Variants in PPP2R3A observed in about 807,000 individuals in gnomAD.
PPP2R3A encodes serine/threonine-protein phosphatase 2A regulatory subunit B'' subunit alpha.
In PPP2R3A, 80 loss-of-function variants were observed where a neutral mutation model predicts 106.9. The ratio of observed to expected loss-of-function variants is 0.75; its 90% CI spans 0.62 to 0.90. The LOEUF (loss-of-function observed/expected upper bound fraction) is 0.90, where lower values mean the gene tolerates loss of function less well. PPP2R3A is among the 40% of genes least tolerant of loss of function. PPP2R3A has a pLI of 0.00. For missense variants in PPP2R3A, 1,386 were observed against 1,350.4 expected (o/e 1.03, Z -0.41); for synonymous variants, 483 against 468.3 (o/e 1.03, Z -0.41).
At chr3:136,010,135 T>A (rs528344143) in intron 2 of PPP2R3A, among the ~76,000 whole-genome samples, 6 of 152,222 alleles carry the variant, frequency 3.9e-5, no homozygotes, top group African/African-American at 1.4e-4. Flanking sequence ...ACTAAAGCAA[T>A]CAGAAGAGAC....
intron 1 of PPP2R3A, among the ~76,000 whole-genome samples, chr3:135,986,739 A>T (rs529856701): frequency 2.8e-4 from 43 of 152,174 alleles, no homozygotes; most frequent in African/African-American, 1.0e-3. Context: ...TGAAAGAACT[A>T]CCCTAAGTGC....
chr3:136,061,908 C>T (rs1936087864), intron 5 of PPP2R3A, among the ~76,000 whole-genome samples: 1 of 111,128 alleles, frequency 9.0e-6, no homozygotes, highest in African/African-American at 4.0e-5. Flanking sequence ...GCCTGGGCGA[C>T]AGAGCAAGAC....
intron 13 of PPP2R3A, among the ~76,000 whole-genome samples, chr3:136,123,643 C>G (rs1187894514): frequency 6.6e-6 from 1 of 152,042 alleles, no homozygotes; most frequent in Non-Finnish European, 1.5e-5. Flanking sequence ...AGACATTTTA[C>G]CCAGGAAACA....
chr3:135,971,461 T>C (rs1937244657), intron 1 of PPP2R3A, among the ~76,000 whole-genome samples: 1 of 152,210 alleles, frequency 6.6e-6, no homozygotes. Context: ...AATTTTGTGC[T>C]TCATATTTCT....
At chr3:136,106,591 A>T (rs1366075267) in intron 13 of PPP2R3A, 1 of 426,192 alleles carries the variant, frequency 2.3e-6, no homozygotes, top group Non-Finnish European at 4.2e-6. Flanking sequence ...TTTTAGTGAT[A>T]TTGATAAACC....
chr3:136,102,820 A>G (rs1222134181), intron 11 of PPP2R3A, among the ~76,000 whole-genome samples: 1 of 152,198 alleles, frequency 6.6e-6, no homozygotes, highest in Non-Finnish European at 1.5e-5. Flanking sequence ...GCGAGACTGT[A>G]TCTCTTTTTT....
At chr3:136,064,048 A>C (rs1936176110) in intron 5 of PPP2R3A, among the ~76,000 whole-genome samples, 1 of 151,904 alleles carries the variant, frequency 6.6e-6, no homozygotes, top group South Asian at 2.1e-4. Flanking sequence ...CTGGATTAAG[A>C]AAATGTGGCA....
chr3:136,009,847 C>G (rs888218832), intron 2 of PPP2R3A, among the ~76,000 whole-genome samples: 1 of 152,212 alleles, frequency 6.6e-6, no homozygotes, highest in Non-Finnish European at 1.5e-5. Flanking sequence ...CCTGGAACAG[C>G]TCCAACTCAG....
chr3:135,978,088 C>G (rs1576406275), intron 1 of PPP2R3A, among the ~76,000 whole-genome samples: 1 of 152,208 alleles, frequency 6.6e-6, no homozygotes, highest in East Asian at 1.9e-4. Context: ...TGTTTCTGTA[C>G]TCTTTGCAAC....
At chr3:136,026,737 T>C (rs1934672956) in intron 2 of PPP2R3A, 95 bp from the exon 3 acceptor site, 1 of 1,182,912 alleles carries the variant, frequency 8.5e-7, no homozygotes, top group African/African-American at 1.6e-5. Flanking sequence ...ATCTCTCCTG[T>C]CTCTGATTGT....
intron 5 of PPP2R3A, among the ~76,000 whole-genome samples, chr3:136,060,348 T>G (rs190785131): frequency 6.6e-6 from 1 of 152,322 alleles, no homozygotes; most frequent in African/African-American, 2.4e-5. Context: ...GAATGGTAAT[T>G]ACCAAATAAT....
intron 13 of PPP2R3A, among the ~76,000 whole-genome samples, chr3:136,140,389 G>A (rs376026248): frequency 1.2e-4 from 18 of 149,192 alleles, no homozygotes; most frequent in African/African-American, 4.5e-4. Context: ...CTAGGAGTTT[G>A]AGGCTAAGAT....
At chr3:135,978,289 C>G (rs1170011496) in intron 1 of PPP2R3A, among the ~76,000 whole-genome samples, 1 of 149,268 alleles carries the variant, frequency 6.7e-6, no homozygotes, top group East Asian at 1.9e-4. Flanking sequence ...TCACCAAATA[C>G]AAATAGTAAG....
intron 4 of PPP2R3A, among the ~76,000 whole-genome samples, chr3:136,048,544 C>T (rs960627451): frequency 3.3e-5 from 5 of 152,112 alleles, no homozygotes; most frequent in Admixed American, 1.3e-4. Flanking sequence ...TGGTGGCATG[C>T]GCCTATAGTC....
In PPP2R3A at chr3:136,001,826, A is replaced by G; in HGVS notation, c.328A>G (p.Lys110Glu). ...TACATTTCAGAATACCTACAACTTA[A>G]AGGATATTGCAGGAGAAGCAATCAG... ...GSTFQNTYNL[K>E]DIAGEAISFA... Residue 110 changes from lysine to glutamate, a missense_variant, in exon 2 of 14, where the codon AAG (lysine) becomes GAG (glutamate). By Grantham distance (56) the Lys-to-Glu change is moderately conservative. Transcript: ENST00000264977. 6.2e-7 allele frequency: 1 copy of G among 1,614,186 alleles called. No homozygotes were observed. Among genetic ancestry groups the G allele is most frequent in the Admixed American group, 1.7e-5 (1 of 60,012 alleles).
At chr3:136,047,970 G>T (rs370430236) in intron 4 of PPP2R3A, among the ~76,000 whole-genome samples, 2 of 152,042 alleles carry the variant, frequency 1.3e-5, no homozygotes, top group African/African-American at 4.8e-5. Flanking sequence ...GATGGAGGGA[G>T]CAAGGGCTGA....
intron 5 of PPP2R3A, among the ~76,000 whole-genome samples, chr3:136,050,344 T>A (rs944455536): frequency 2.0e-5 from 3 of 152,220 alleles, no homozygotes; most frequent in Non-Finnish European, 4.4e-5. Context: ...AGTTTCTGGA[T>A]TTGAATTTCT....
Position 136,062,200 on chromosome 3 carries a change from A to C in PPP2R3A, c.2470-8278A>C, listed in dbSNP as rs577881461. On this transcript the variant is annotated intron_variant, in intron 5 of 13. Coordinates refer to ENST00000264977, the MANE Select transcript of PPP2R3A (RefSeq NM_002718.5). ...TTTATAAGTTACCTCTTTGCTTCTT[A>C]AATGGTTACTTGCATATATACTGCA... is the stretch of plus-strand genomic sequence containing the variant. Among the ~76,000 whole-genome samples the C allele has an allele frequency of 4.7e-4, 72 of 152,294 alleles. 1 individual carries two copies. The South Asian group carries it at 8.3e-3, about 18-fold the overall frequency.
intron 10 of PPP2R3A, among the ~76,000 whole-genome samples, chr3:136,099,423 C>A (rs562288971): frequency 9.8e-4 from 149 of 151,928 alleles, no homozygotes; most frequent in Middle Eastern, 3.4e-3. Flanking sequence ...AGAAAAAAAA[C>A]ACAGTGATTA....
Sources: gnomAD v4.1 joint callset for allele counts (sites outside exome capture counted in the v4.1 genomes callset) on GRCh38, gnomAD v4.1.1 for gene constraint, MANE v1.5 for transcripts, NCBI Gene and HGNC (gene_info 2026-07-23, HGNC 2026-07-21) for gene names.